KIAA2012: variants seen among roughly 807,000 people sequenced by gnomAD.
KIAA2012 encodes KIAA2012.
KIAA2012 carries 125 observed loss-of-function variants against 150.6 expected under a neutral mutation model. That is an observed-to-expected ratio of 0.83 (90% CI 0.72 to 0.96). The LOEUF is 0.96. Among genes scored for constraint, KIAA2012 ranks in the 40% least tolerant of loss-of-function variants. The pLI is 0.00. For synonymous variants in KIAA2012, 462 were observed against 504.7 expected, an observed-to-expected ratio of 0.92 and a Z score of 1.13; for missense variants, 1,219 against 1,354.9, an observed-to-expected ratio of 0.90 and a Z score of 1.57.
intron 13 of KIAA2012, among the ~76,000 whole-genome samples, chr2:202,145,510 T>G (rs1691275497): frequency 6.6e-6 from 1 of 152,186 alleles, no homozygotes; most frequent in African/African-American, 2.4e-5. Flanking sequence ...AAGTCTGTAT[T>G]AATCGATGTC....
In KIAA2012 at chr2:202,100,419, A is replaced by T. The variant is rs1201248416; in HGVS notation, c.1125A>T (p.Ile375=). ...TAGCATCTGCCACTGGCTCCAGAAT[A>T]ATCACCCCTGGGGAAGTGAAGAAGA... ...PPVASATGSR[I]ITPGEVKKKK... Residue 375 remains isoleucine, a synonymous_variant, in exon 7 of 24, where the codon ATA becomes ATT. Coordinates refer to ENST00000498697, the MANE Select transcript of KIAA2012 (RefSeq NM_001277372.4). 1.3e-6 allele frequency: 2 copies of T among 1,550,602 alleles called. No homozygotes were observed. Among genetic ancestry groups the T allele is most frequent in the Admixed American group, 3.9e-5 (2 of 51,010 alleles).
In KIAA2012 at chr2:202,096,084, C is replaced by T. The variant is rs1689874225; in HGVS notation, c.686-1351C>T. 2.6e-5 allele frequency among the ~76,000 whole-genome samples: 4 copies of T among 152,052 alleles called. No homozygotes were observed. The South Asian group carries it at 8.3e-4, about 32-fold the overall frequency. ...GGGCAACAGAGTGAGACTACGTCCCCCGCACCCCCCACCCAAAAAAAAAGA... is the reference window on the plus strand; with the variant it reads ...GGGCAACAGAGTGAGACTACGTCCCTCGCACCCCCCACCCAAAAAAAAAGA... On this transcript the variant is annotated intron_variant, in intron 4 of 23. Coordinates refer to ENST00000498697, the MANE Select transcript of KIAA2012 (RefSeq NM_001277372.4).
rs1309251410 is a variant in KIAA2012, at chr2:202,145,838, C to A, written c.1908+7330C>A. Among the ~76,000 whole-genome samples, 8 of 152,090 alleles carry A rather than the reference C, an allele frequency of 5.3e-5. No homozygotes were observed. In the South Asian group the frequency reaches 1.0e-3, roughly 20 times the overall value. On this transcript the variant is annotated intron_variant, in intron 13 of 23. Transcript: ENST00000498697. ...TAGCTGGGATTACAGGCGCCCGTCA[C>A]CACACCCGGCTAATTTTTGTAGTTT... is the stretch of plus-strand genomic sequence containing the variant.
intron 12 of KIAA2012, among the ~76,000 whole-genome samples, chr2:202,126,096 A>G (rs977749285): frequency 5.3e-5 from 8 of 151,840 alleles, no homozygotes; most frequent in Non-Finnish European, 1.0e-4. Context: ...GCGGGATTAC[A>G]GGCGCCTGCC....
At position 202,125,386 on chromosome 2, in the gene KIAA2012, A is replaced by G. The variant is rs926341836; in HGVS notation, c.1831+104A>G. The G allele has an allele frequency of 6.1e-6, 5 of 819,786 alleles. No individual in the cohort carries two copies. In the Admixed American group the frequency reaches 1.0e-4, roughly 16 times the overall value. 50.8% of individuals were successfully genotyped at this position (819,786 alleles called of 1,614,324 possible). A position where few individuals can be genotyped will look rare whatever the true frequency, so the allele number is the denominator to read the frequency against. On this transcript the variant is annotated intron_variant, in intron 12 of 23. Coordinates refer to ENST00000498697, the MANE Select transcript of KIAA2012 (RefSeq NM_001277372.4). ...TCCAGAAACCCACAATTTCTCCCCA[A>G]ATATACCAATAAGTAGCAGAGAGGA...
At chr2:202,112,041 T>G (rs1038765300) in intron 10 of KIAA2012, among the ~76,000 whole-genome samples, 9 of 152,192 alleles carry the variant, frequency 5.9e-5, no homozygotes, top group Admixed American at 1.3e-4. Context: ...AAGCTAAAAC[T>G]CTTGGAATTT....
At chr2:202,085,978 G>T (rs576046185) in intron 2 of KIAA2012, among the ~76,000 whole-genome samples, 1 of 151,920 alleles carries the variant, frequency 6.6e-6, no homozygotes, top group South Asian at 2.1e-4. Flanking sequence ...GACCAGCCTG[G>T]CCAACATGGT....
At chr2:202,106,603 C>A (rs1167535693) in intron 9 of KIAA2012, among the ~76,000 whole-genome samples, 1 of 152,122 alleles carries the variant, frequency 6.6e-6, no homozygotes, top group Non-Finnish European at 1.5e-5. Context: ...ACAAGAATCA[C>A]TTGAACCCAG....
At chr2:202,140,987 G>T (rs928093075) in intron 13 of KIAA2012, among the ~76,000 whole-genome samples, 1 of 152,154 alleles carries the variant, frequency 6.6e-6, no homozygotes, top group African/African-American at 2.4e-5. Flanking sequence ...GTCAAAGGTG[G>T]ATATTCTGGT....
At chr2:202,187,725 T>C (rs1444135327) in intron 17 of KIAA2012, among the ~76,000 whole-genome samples, 1 of 152,206 alleles carries the variant, frequency 6.6e-6, no homozygotes, top group Non-Finnish European at 1.5e-5. Flanking sequence ...ACTGACATAG[T>C]TGTGGTCATC....
chr2:202,122,418 G>A lies in KIAA2012; in HGVS notation c.1763-2796G>A, dbSNP rs530163031. Reference sequence around the variant, plus strand: ...CAACCAGCACTCTGAGATCTGGGTCGCCCATGACAAGACTGTTTGCAGATC... The same window carrying A: ...CAACCAGCACTCTGAGATCTGGGTCACCCATGACAAGACTGTTTGCAGATC... On this transcript the variant is annotated intron_variant, in intron 11 of 23. Coordinates refer to ENST00000498697, the MANE Select transcript of KIAA2012 (RefSeq NM_001277372.4). Among the ~76,000 whole-genome samples the A allele has an allele frequency of 5.9e-5, 9 of 151,934 alleles. 1 individual carries two copies. In the South Asian group the frequency reaches 8.3e-4, roughly 14 times the overall value.
In KIAA2012 at chr2:202,186,977, G is replaced by A. The variant is rs1227567163; in HGVS notation, c.2255G>A (p.Gly752Glu). The A allele has an allele frequency of 1.3e-6, 2 of 1,550,508 alleles. No individual in the cohort carries two copies. Among genetic ancestry groups the A allele is most frequent in the Non-Finnish European group, 1.7e-6 (2 of 1,147,010 alleles). The change falls in exon 17 of 24, where the codon GGA becomes GAA. Residue 752 changes from glycine (G) to glutamate (E), a missense_variant. Gly to Glu is a moderately conservative substitution (Grantham distance 98). Coordinates refer to ENST00000498697, the MANE Select transcript of KIAA2012 (RefSeq NM_001277372.4). ...DVHHLHRGLL[G>E]YGPESPERLS... ...CACCACCTACACAGAGGACTTCTGGGATACGGGCCTGAGTCACCCGAGAGG... is the reference window on the plus strand; with the variant it reads ...CACCACCTACACAGAGGACTTCTGGAATACGGGCCTGAGTCACCCGAGAGG...
At chr2:202,149,320 CAG>C (rs1433328494) in intron 13 of KIAA2012, among the ~76,000 whole-genome samples, 1 of 152,206 alleles carries the variant, frequency 6.6e-6, no homozygotes, top group African/African-American at 2.4e-5. Flanking sequence ...CCTTTGTGCA[CAG>C]AGGTTTGATG....
At chr2:202,103,385 T>TAACA (rs1690102511) in intron 8 of KIAA2012, among the ~76,000 whole-genome samples, 1 of 152,080 alleles carries the variant, frequency 6.6e-6, no homozygotes, top group Admixed American at 6.6e-5. Flanking sequence ...CATAAGTAAG[T>TAACA]CCAATGCACC....
At chr2:202,165,695 T>C (rs1443248064) in intron 15 of KIAA2012, among the ~76,000 whole-genome samples, 1 of 152,084 alleles carries the variant, frequency 6.6e-6, no homozygotes, top group Non-Finnish European at 1.5e-5. Flanking sequence ...CACTCCAGCC[T>C]GGGCAACAAC....
chr2:202,114,425 C>T (rs1406104151), intron 11 of KIAA2012: 1 of 167,112 alleles, frequency 6.0e-6, no homozygotes, highest in Admixed American at 6.5e-5. Context: ...ATAAAAATAT[C>T]TTGGTTCTGA....
rs1689252071 is a variant in KIAA2012, at chr2:202,073,478, T to G, written c.-150T>G. The G allele has an allele frequency of 1.6e-6, 1 of 631,194 alleles. No homozygotes were observed. Among genetic ancestry groups the G allele is most frequent in the Non-Finnish European group, 2.8e-6 (1 of 362,288 alleles). The allele number at this position is 631,194 out of a possible 1,614,324, so 39.1% of individuals were successfully genotyped here. On this transcript the variant is annotated 5_prime_UTR_variant, in exon 1 of 24. Coordinates refer to ENST00000498697, the MANE Select transcript of KIAA2012 (RefSeq NM_001277372.4). ...TGGCTGGTTGTTACTAAGAAGCTGC[T>G]GCGAGAGGGAAAAATGTATTTAATA...
chr2:202,092,125 G>T (rs1388777890), intron 3 of KIAA2012, among the ~76,000 whole-genome samples: 1 of 152,154 alleles, frequency 6.6e-6, no homozygotes, highest in Admixed American at 6.5e-5. Flanking sequence ...AAAAAAGGTC[G>T]AGTCCTCCAT....
In KIAA2012 at chr2:202,075,016, C is replaced by T. The variant is rs958207551; in HGVS notation, c.210C>T (p.Ala70=). 13 of 1,550,500 alleles carry T rather than the reference C, an allele frequency of 8.4e-6. No homozygotes were observed. In the African/African-American group the frequency reaches 1.6e-4, roughly 20 times the overall value. ...LPKTFSTRKG[A]LILYSEGFAI... ...AAACTTTCAGTACTAGAAAGGGTGC[C>T]CTGATCCTGTACTCAGAAGGTTTTG... The change falls in exon 2 of 24, where the codon GCC becomes GCT. Residue 70 remains alanine (A), a synonymous_variant. Coordinates refer to ENST00000498697, the MANE Select transcript of KIAA2012 (RefSeq NM_001277372.4).
Sources: gnomAD v4.1 joint callset for allele counts (sites outside exome capture counted in the v4.1 genomes callset) on GRCh38, gnomAD v4.1.1 for gene constraint, MANE v1.5 for transcripts, NCBI Gene and HGNC (gene_info 2026-07-23, HGNC 2026-07-21) for gene names.